Variants in PPP2R2B observed in about 807,000 individuals in gnomAD.
PPP2R2B encodes serine/threonine-protein phosphatase 2A 55 kDa regulatory subunit B beta isoform.
PPP2R2B carries 5 observed loss-of-function variants against 46.0 expected under a neutral mutation model. That is an observed-to-expected ratio of 0.11 (90% confidence interval 0.06 to 0.23). PPP2R2B has a LOEUF of 0.23. Ranked by LOEUF, PPP2R2B falls within the 10% of genes least tolerant of loss-of-function variation. The pLI is 1.00. For synonymous variants in PPP2R2B, 215 were observed against 206.7 expected, an observed-to-expected ratio of 1.04 and a Z score of -0.34; for missense variants, 367 against 575.0, an observed-to-expected ratio of 0.64 and a Z score of 3.70.
intron 1 of PPP2R2B, among the ~76,000 whole-genome samples, chr5:147,003,289 G>T (rs1360333001): frequency 4.6e-5 from 7 of 151,912 alleles, no homozygotes; most frequent in African/African-American, 1.7e-4. Context: ...AATAAGCAAA[G>T]AAATTTCCAA....
intron 7 of PPP2R2B, among the ~76,000 whole-genome samples, chr5:146,635,459 A>T (rs1306384723): frequency 1.3e-5 from 2 of 152,090 alleles, no homozygotes; most frequent in Non-Finnish European, 1.5e-5. Context: ...TCTTGTGTTC[A>T]GTTCATCAAG....
At chr5:146,989,229 C>T (rs759748241) in intron 1 of PPP2R2B, among the ~76,000 whole-genome samples, 8 of 150,584 alleles carry the variant, frequency 5.3e-5, no homozygotes, top group South Asian at 2.1e-4. Flanking sequence ...TAAAGTGAAC[C>T]GAATAGTTCC....
Position 146,787,521 on chromosome 5 carries a change from CCT to C in PPP2R2B, c.71-86381_71-86380del, listed in dbSNP as rs994257058. On this transcript the variant is annotated intron_variant, in intron 2 of 9. Coordinates refer to ENST00000394411, the MANE Select transcript of PPP2R2B (RefSeq NM_181675.4). Reference sequence around the variant, plus strand: ...TCCTCTCTTTTCTCTTCTCTCCTCTCCTCTCTTTTCTCCTCCCCTCTCGCCTC... The same window carrying C: ...TCCTCTCTTTTCTCTTCTCTCCTCTCCTCTTTTCTCCTCCCCTCTCGCCTC... Among the ~76,000 whole-genome samples, 3 of 151,950 alleles carry C rather than the reference CCT, an allele frequency of 2.0e-5. 1 individual carries two copies. Among genetic ancestry groups the C allele is most frequent in the Admixed American group, 1.3e-4 (2 of 15,234 alleles).
At chr5:146,920,404 C>CA (rs1474555573) in intron 1 of PPP2R2B, among the ~76,000 whole-genome samples, 4 of 152,124 alleles carry the variant, frequency 2.6e-5, no homozygotes, top group Non-Finnish European at 5.9e-5. Context: ...AGGCTGTCAA[C>CA]CATGGGCCGT....
At chr5:146,863,924 C>G (rs76452609) in intron 2 of PPP2R2B, among the ~76,000 whole-genome samples, 1 of 152,182 alleles carries the variant, frequency 6.6e-6, no homozygotes, top group East Asian at 1.9e-4. Flanking sequence ...TGAAAGTGGA[C>G]TAAAAATCGC....
At chr5:146,825,146 T>A (rs773835036) in intron 2 of PPP2R2B, among the ~76,000 whole-genome samples, 12 of 152,234 alleles carry the variant, frequency 7.9e-5, no homozygotes, top group Non-Finnish European at 1.5e-4. Context: ...GTCAGGTCAG[T>A]TCCCCTGGGT....
chr5:146,718,349 C>A (rs892229960), intron 2 of PPP2R2B, among the ~76,000 whole-genome samples: 2 of 151,650 alleles, frequency 1.3e-5, no homozygotes, highest in African/African-American at 4.8e-5. Flanking sequence ...GATCGCACCA[C>A]TGTACTACAG....
intron 1 of PPP2R2B, among the ~76,000 whole-genome samples, chr5:146,908,930 A>T (rs1425225489): frequency 6.6e-6 from 1 of 152,094 alleles, no homozygotes; most frequent in East Asian, 1.9e-4. Context: ...CCTCCCGAGT[A>T]GCTGGGATTA....
intron 2 of PPP2R2B, among the ~76,000 whole-genome samples, chr5:146,705,593 A>G (rs570683587): frequency 3.9e-5 from 6 of 152,214 alleles, no homozygotes; most frequent in Non-Finnish European, 8.8e-5. Flanking sequence ...CCTCCCATCC[A>G]TATAAAACTG....
At chr5:146,877,872 A>C in intron 2 of PPP2R2B, 130 bp downstream of exon 2, 1 of 1,114,016 alleles carries the variant, frequency 9.0e-7, no homozygotes, top group Non-Finnish European at 1.3e-6. Context: ...TGCCGGGGCC[A>C]GCCGAGCCCC....
chr5:146,771,049 A>G (rs575353876), intron 2 of PPP2R2B, among the ~76,000 whole-genome samples: 2 of 152,332 alleles, frequency 1.3e-5, no homozygotes, highest in South Asian at 2.1e-4. Flanking sequence ...TGCATAAAGA[A>G]TAATACAAAT....
intron 2 of PPP2R2B, 27 bp downstream of exon 2, chr5:146,877,975 G>A (rs1761999291): frequency 6.2e-7 from 1 of 1,607,050 alleles, no homozygotes; most frequent in South Asian, 1.1e-5. Context: ...CGGCCCCAAC[G>A]GCGGAATGCG....
At chr5:147,054,338 T>C (rs775489816) in intron 1 of PPP2R2B, among the ~76,000 whole-genome samples, 5 of 152,132 alleles carry the variant, frequency 3.3e-5, no homozygotes, top group Admixed American at 3.3e-4. Flanking sequence ...CTCCTGGAGA[T>C]TTTAGTCCAT....
chr5:146,713,494 GC>G (rs1465904926), intron 2 of PPP2R2B, among the ~76,000 whole-genome samples: 7 of 152,160 alleles, frequency 4.6e-5, no homozygotes, highest in African/African-American at 1.7e-4. Context: ...GAAAGGGATA[GC>G]TGTTGGAAGG....
At chr5:147,059,593 A>C (rs1436932980), upstream of PPP2R2B, among the ~76,000 whole-genome samples, 1 of 152,200 alleles carries the variant, frequency 6.6e-6, no homozygotes, top group Non-Finnish European at 1.5e-5. Context: ...GAAAGGAAAG[A>C]TAAAGGTGAC....
intron 2 of PPP2R2B, among the ~76,000 whole-genome samples, chr5:146,774,903 C>G (rs1355176916): frequency 1.3e-5 from 2 of 151,354 alleles, no homozygotes; most frequent in African/African-American, 4.9e-5. Context: ...TGGACAAATT[C>G]CTAGAAACAC....
chr5:146,904,012 G>C (rs763241777), intron 1 of PPP2R2B, among the ~76,000 whole-genome samples: 7 of 152,148 alleles, frequency 4.6e-5, no homozygotes, highest in Non-Finnish European at 8.8e-5. Context: ...CTGGCTCAGA[G>C]TAATTAGTGA....
chr5:147,023,453 TA>T (rs1370375786), intron 1 of PPP2R2B, among the ~76,000 whole-genome samples: 1 of 152,108 alleles, frequency 6.6e-6, no homozygotes, highest in Non-Finnish European at 1.5e-5. Flanking sequence ...ACAGATTGGA[TA>T]AAAATGCAAG....
chr5:146,678,071 G>A (rs371594264), intron 5 of PPP2R2B, among the ~76,000 whole-genome samples: 61 of 152,278 alleles, frequency 4.0e-4, no homozygotes, highest in African/African-American at 1.4e-3. Context: ...ATGGCTCAGA[G>A]GGTTAAAAGC....
Sources: gnomAD v4.1 joint callset for allele counts (sites outside exome capture counted in the v4.1 genomes callset) on GRCh38, gnomAD v4.1.1 for gene constraint, MANE v1.5 for transcripts, NCBI Gene and HGNC (gene_info 2026-07-23, HGNC 2026-07-21) for gene names.